SUN1: variants seen among roughly 807,000 people sequenced by gnomAD.
SUN1 encodes the protein SUN domain-containing protein 1.
A neutral mutation model predicts 103.2 loss-of-function variants in SUN1; 61 were observed. That is an observed-to-expected ratio of 0.59 (90% CI 0.48 to 0.73). The LOEUF (loss-of-function observed/expected upper bound fraction) is 0.73. SUN1 is among the 30% of genes least tolerant of loss of function. SUN1 has a pLI of 0.00. For synonymous variants in SUN1, 490 were observed against 425.7 expected (o/e 1.15, Z -1.86); for missense variants, 1,052 against 1,034.6 (o/e 1.02, Z -0.23).
intron 1 of SUN1, among the ~76,000 whole-genome samples, chr7:818,299 C>T (rs972375539): frequency 7.2e-5 from 11 of 152,210 alleles, no homozygotes; most frequent in Admixed American, 3.3e-4. Context: ...TATGCAGCCG[C>T]TTGTGTCTGG....
chr7:824,160 G>A lies in SUN1; in HGVS notation c.-74+7487G>A, dbSNP rs993913882. ...TAGTAGTGGATTCATATCCTTATGT[G>A]TATGTGGTCCAGTAAAACAGAAGAA... On this transcript the variant is annotated intron_variant, in intron 1 of 17. Transcript: ENST00000389574. 5.3e-5 allele frequency among the ~76,000 whole-genome samples: 8 copies of A among 152,246 alleles called. No homozygotes were observed. In the South Asian group the frequency reaches 1.2e-3, roughly 24 times the overall value.
intron 1 of SUN1, among the ~76,000 whole-genome samples, chr7:817,660 A>G (rs931912690): frequency 2.0e-5 from 3 of 152,168 alleles, no homozygotes; most frequent in African/African-American, 7.2e-5. Flanking sequence ...AAAGCTTTGT[A>G]TGAAGGCTTT....
chr7:859,386 A>G (rs1193654839), intron 13 of SUN1, among the ~76,000 whole-genome samples: 3 of 152,170 alleles, frequency 2.0e-5, no homozygotes, highest in African/African-American at 7.2e-5. Context: ...TGACAAATAC[A>G]TGCACTTTTT....
intron 1 of SUN1, chr7:817,562 C>G: frequency 6.6e-7 from 1 of 1,525,110 alleles, no homozygotes; most frequent in Non-Finnish European, 8.8e-7. Context: ...GCGTCTGGCT[C>G]TGATTCCGGG....
At chr7:831,102 G>C (rs1797505792), upstream of SUN1, 2 of 707,384 alleles carry the variant, frequency 2.8e-6, no homozygotes, top group Non-Finnish European at 3.5e-6. Context: ...CAGTTAAACA[G>C]GTATTAACTA....
At chr7:830,027 C>T (rs1046402942), upstream of SUN1, among the ~76,000 whole-genome samples, 1 of 152,124 alleles carries the variant, frequency 6.6e-6, no homozygotes, top group Non-Finnish European at 1.5e-5. Flanking sequence ...TATTTGATTT[C>T]GTAAAGGACT....
At chr7:848,049 C>T (rs1001968007) in intron 5 of SUN1, among the ~76,000 whole-genome samples, 4 of 151,592 alleles carry the variant, frequency 2.6e-5, no homozygotes, top group African/African-American at 9.7e-5. Context: ...TCCGGGATCC[C>T]CTGGGGGTTA....
At chr7:850,091 T>G in intron 5 of SUN1, 1 of 1,449,534 alleles carries the variant, frequency 6.9e-7, no homozygotes, top group South Asian at 1.2e-5. Context: ...ATTTGTGTCT[T>G]GTGTGGTTTG....
At chr7:837,319 G>A (rs1427464400) in intron 1 of SUN1, among the ~76,000 whole-genome samples, 1 of 152,218 alleles carries the variant, frequency 6.6e-6, no homozygotes, top group Admixed American at 6.5e-5. Context: ...TCTCAGACAC[G>A]TGGACTGTGC....
chr7:822,820 A>C (rs995842003), intron 1 of SUN1, among the ~76,000 whole-genome samples: 1 of 152,202 alleles, frequency 6.6e-6, no homozygotes, highest in African/African-American at 2.4e-5. Flanking sequence ...TGAAGGCCTG[A>C]ACATGCCGGG....
chr7:834,736 G>C (rs578024152), intron 1 of SUN1, among the ~76,000 whole-genome samples: 30 of 152,278 alleles, frequency 2.0e-4, no homozygotes, highest in African/African-American at 7.2e-4. Flanking sequence ...ACACTGAAAG[G>C]ATAGTCCAGC....
intron 5 of SUN1, among the ~76,000 whole-genome samples, chr7:846,864 G>A (rs1281738220): frequency 6.6e-6 from 1 of 151,330 alleles, no homozygotes; most frequent in Non-Finnish European, 1.5e-5. Flanking sequence ...AATACAAAAC[G>A]TCAGCTGGGC....
At chr7:817,069 C>A (rs1421180958) in intron 1 of SUN1, among the ~76,000 whole-genome samples, 6 of 152,032 alleles carry the variant, frequency 3.9e-5, no homozygotes, top group Non-Finnish European at 7.4e-5. Flanking sequence ...CCGCCTGGAC[C>A]CCGTTGCGGG....
Position 841,133 on chromosome 7 carries a change from A to G in SUN1, c.267-813A>G, listed in dbSNP as rs185557412. Among the ~76,000 whole-genome samples the G allele has an allele frequency of 1.1e-3, 167 of 150,562 alleles. 2 individuals are homozygous for G. The East Asian group carries it at 0.027, about 25-fold the overall frequency. The stretch of plus-strand genomic sequence containing the variant: ...TTTTTAGTAGAGATGGGGTTTCTCC[A>G]TGTTGGTCAGGCTGGTCTTGAACTC... On this transcript the variant is annotated intron_variant, in intron 2 of 18. Transcript: ENST00000401592.
chr7:870,478 C>T (rs867469880), intron 17 of SUN1, among the ~76,000 whole-genome samples: 27 of 151,596 alleles, frequency 1.8e-4, no homozygotes, highest in Non-Finnish European at 3.2e-4. Context: ...CCCAGCTATT[C>T]GGGAGGCTGA....
intron 1 of SUN1, among the ~76,000 whole-genome samples, chr7:824,466 A>G (rs757263130): frequency 3.9e-5 from 6 of 152,226 alleles, no homozygotes; most frequent in Non-Finnish European, 7.3e-5. Context: ...AGCAAATACA[A>G]TGAAACTATT....
rs1415466461 is a variant in SUN1 at position 853,039 on chromosome 7, G to C, written c.1053+87G>C. On this transcript the variant is annotated intron_variant, in intron 9 of 18. Transcript: ENST00000401592. ...ACACTGCTGTGAGCCAGGCACTTCA[G>C]TTGGGTGTCCTGTTGTAAGAAGTAT... is the stretch of plus-strand genomic sequence containing the variant. 4.0e-6 allele frequency: 6 copies of C among 1,489,304 alleles called. No individual in the cohort carries two copies. In the South Asian group the frequency reaches 6.8e-5, roughly 17 times the overall value. The allele number at this position is 1,489,304 out of a possible 1,614,324, so 92.3% of individuals were successfully genotyped here.
Position 842,072 on chromosome 7 carries a change from G to T in SUN1, c.393G>T (p.Arg131=). The change falls in exon 3 of 19, where the codon CGG becomes CGT. Residue 131 remains arginine (R), a synonymous_variant. Transcript: ENST00000401592. The part of the protein sequence containing the change: ...TVSLQDAVTR[R]PPVLDESWIR... Reference sequence around the variant, plus strand: ...GCCTGCAGGATGCTGTGACTCGACGGCCTCCTGTATTGGACGAGTCTTGGA... The same window carrying T: ...GCCTGCAGGATGCTGTGACTCGACGTCCTCCTGTATTGGACGAGTCTTGGA... 2 of 1,614,242 alleles carry T rather than the reference G, an allele frequency of 1.2e-6. No individual in the cohort carries two copies. The highest frequency in any genetic ancestry group is 1.7e-6 in the Non-Finnish European group (2 of 1,180,042).
intron 1 of SUN1, among the ~76,000 whole-genome samples, chr7:827,411 T>G (rs2128187966): frequency 6.6e-6 from 1 of 152,148 alleles, no homozygotes; most frequent in South Asian, 2.1e-4. Context: ...TTAGTACAGA[T>G]ATTCTGAATA....
Sources: gnomAD v4.1 joint callset for allele counts (sites outside exome capture counted in the v4.1 genomes callset) on GRCh38, gnomAD v4.1.1 for gene constraint, MANE v1.5 for transcripts, NCBI Gene and HGNC (gene_info 2026-07-23, HGNC 2026-07-21) for gene names.